The following DNAH11 variants were observed in gnomAD, a reference collection of about 807,000 sequenced individuals.
DNAH11 encodes dynein axonemal heavy chain 11.
A neutral mutation model predicts 526.0 loss-of-function variants in DNAH11; 442 were observed. The ratio of observed to expected loss-of-function variants is 0.84; its 90% CI spans 0.78 to 0.91. DNAH11 has a LOEUF of 0.91. Ranked by LOEUF, DNAH11 falls within the 40% of genes least tolerant of loss-of-function variation. The pLI is 0.00. For synonymous variants in DNAH11, 2,461 were observed against 1,935.9 expected (o/e 1.27, Z -7.12); for missense variants, 6,989 against 5,448.7 (o/e 1.28, Z -8.90).
At chr7:21,629,378 A>C (rs1786494506) in intron 25 of DNAH11, among the ~76,000 whole-genome samples, 1 of 152,152 alleles carries the variant, frequency 6.6e-6, no homozygotes. Context: ...TGTATTCTGC[A>C]GTAGTTGGGT....
Position 21,742,024 on chromosome 7 carries a change from T to G in DNAH11, c.8012T>G (p.Phe2671Cys). ...IFSFHFQQQA[F>C]APSILRSGPT... ...AGCTTCCATTTCCAACAGCAAGCAT[T>G]TGCTCCATCAATTCTCAGGAGTGGC... Residue 2671 changes from phenylalanine (F) to cysteine (C), a missense_variant, in exon 49 of 82, where the codon TTT (phenylalanine) becomes TGT (cysteine). Coordinates refer to ENST00000409508, the MANE Select transcript of DNAH11 (RefSeq NM_001277115.2). 6.2e-7 allele frequency: 1 copy of G among 1,613,954 alleles called. No homozygotes were observed. Among genetic ancestry groups the G allele is most frequent in the Non-Finnish European group, 8.5e-7 (1 of 1,179,868 alleles).
intron 65 of DNAH11, among the ~76,000 whole-genome samples, chr7:21,827,598 C>T (rs1303539547): frequency 4.0e-5 from 6 of 151,572 alleles, no homozygotes; most frequent in African/African-American, 1.5e-4. Flanking sequence ...GTAGCATGCT[C>T]TAGAAAGGAA....
chr7:21,591,145 C>A (rs370132942), intron 13 of DNAH11, 40 bp from the exon 14 acceptor site: 2 of 1,516,566 alleles, frequency 1.3e-6, no homozygotes, highest in African/African-American at 1.4e-5. Flanking sequence ...AAATAGCTAA[C>A]ATATTTGGCA....
rs555739727 is a variant in DNAH11 at position 21,883,011 on chromosome 7, AT to A, written c.12388-1277del. Among the ~76,000 whole-genome samples, 476 of 152,334 alleles carry A rather than the reference AT, an allele frequency of 3.1e-3. 4 individuals are homozygous for A. The highest frequency in any genetic ancestry group is 0.01 in the African/African-American group (435 of 41,578). ...CCTTTGTTTTCCATCCATTTCAGCT[AT>A]TTGGAAGGTAGTCCATGCAGTGGTT... is the stretch of plus-strand genomic sequence containing the variant. On this transcript the variant is annotated intron_variant, in intron 75 of 81. Transcript: ENST00000409508.
chr7:21,898,727 C>T (rs973050906), intron 79 of DNAH11, among the ~76,000 whole-genome samples: 5 of 152,264 alleles, frequency 3.3e-5, no homozygotes, highest in East Asian at 3.9e-4. Context: ...TGTGAGGAGC[C>T]GAGAAGAGAA....
chr7:21,700,000 A>G (rs1324127632), intron 36 of DNAH11, among the ~76,000 whole-genome samples: 1 of 152,222 alleles, frequency 6.6e-6, no homozygotes, highest in South Asian at 2.1e-4. Flanking sequence ...TTCAAGGAAG[A>G]AAGGAACCAA....
intron 55 of DNAH11, among the ~76,000 whole-genome samples, chr7:21,771,528 T>C (rs905860003): frequency 1.3e-5 from 2 of 152,182 alleles, no homozygotes; most frequent in Non-Finnish European, 2.9e-5. Context: ...AAACACGTTT[T>C]CTTAATGTGA....
chr7:21,593,688 A>T (rs73070447), intron 14 of DNAH11, among the ~76,000 whole-genome samples: 1 of 152,086 alleles, frequency 6.6e-6, no homozygotes, highest in East Asian at 1.9e-4. Flanking sequence ...CAGATGTGCA[A>T]TGCTGATGAT....
chr7:21,601,215 T>C (rs749411213), intron 17 of DNAH11, 36 bp downstream of exon 17: 1 of 1,564,438 alleles, frequency 6.4e-7, no homozygotes, highest in South Asian at 1.2e-5. Flanking sequence ...ATTATAACTT[T>C]CTAAACTGCT....
chr7:21,637,494 G>T, intron 26 of DNAH11, 117 bp from the exon 27 acceptor site: 2 of 721,088 alleles, frequency 2.8e-6, no homozygotes, highest in Non-Finnish European at 4.9e-6. Context: ...ATTCTTAGAA[G>T]TATCTTTGAC....
intron 71 of DNAH11, among the ~76,000 whole-genome samples, chr7:21,867,584 TAGC>T (rs1783328969): frequency 6.6e-6 from 1 of 152,118 alleles, no homozygotes; most frequent in South Asian, 2.1e-4. Context: ...TACAAAGCCA[TAGC>T]AGACAGCTGA....
chr7:21,581,984 C>T lies in DNAH11; in HGVS notation c.1673C>T (p.Ala558Val), dbSNP rs1784325183. Reference protein sequence around the residue: ...DRRLGTIICEAFFNCNGLEAA... With the variant: ...DRRLGTIICEVFFNCNGLEAA... ...AGGCTTGGGACAATTATTTGTGAAG[C>T]TTTCTTTAACTGCAATGGCTTAGAA... The change falls in exon 9 of 82, where the codon GCT becomes GTT. Residue 558 changes from alanine to valine, a missense_variant. Coordinates refer to ENST00000409508, the MANE Select transcript of DNAH11 (RefSeq NM_001277115.2). 6.2e-7 allele frequency: 1 copy of T among 1,612,972 alleles called. No individual in the cohort carries two copies. Among genetic ancestry groups the T allele is most frequent in the Non-Finnish European group, 8.5e-7 (1 of 1,179,196 alleles).
At chr7:21,689,608 C>T (rs1398895667) in intron 34 of DNAH11, among the ~76,000 whole-genome samples, 6 of 152,364 alleles carry the variant, frequency 3.9e-5, no homozygotes, top group South Asian at 2.1e-4. Flanking sequence ...CACCGCTCTG[C>T]GTGTGAGCGG....
intron 57 of DNAH11, among the ~76,000 whole-genome samples, chr7:21,779,420 G>T (rs1787839929): frequency 6.6e-6 from 1 of 152,076 alleles, no homozygotes; most frequent in Non-Finnish European, 1.5e-5. Context: ...TCACCTCTGA[G>T]GTTTTTAAAG....
chr7:21,833,472 C>T (rs774019459), intron 65 of DNAH11, among the ~76,000 whole-genome samples: 22 of 152,064 alleles, frequency 1.4e-4, no homozygotes, highest in Non-Finnish European at 2.6e-4. Flanking sequence ...GTGGATGGAT[C>T]ACCTGAGGTC....
intron 57 of DNAH11, among the ~76,000 whole-genome samples, chr7:21,783,676 T>A (rs188449185): frequency 7.9e-5 from 12 of 151,510 alleles, no homozygotes; most frequent in East Asian, 7.8e-4. Context: ...TTGGTTTGGT[T>A]CAAGTTTACC....
chr7:21,894,108 C>T (rs1335674045), intron 77 of DNAH11, among the ~76,000 whole-genome samples: 2 of 152,150 alleles, frequency 1.3e-5, no homozygotes, highest in Non-Finnish European at 2.9e-5. Flanking sequence ...AGGCTGGTCT[C>T]GAACTCCTGA....
intron 79 of DNAH11, among the ~76,000 whole-genome samples, chr7:21,896,689 G>A (rs1784526207): frequency 6.6e-6 from 1 of 152,048 alleles, no homozygotes; most frequent in African/African-American, 2.4e-5. Flanking sequence ...GTGTCTTTCG[G>A]CTGTATACTT....
chr7:21,775,379 G>C (rs971636248), intron 56 of DNAH11, among the ~76,000 whole-genome samples: 1 of 152,146 alleles, frequency 6.6e-6, no homozygotes, highest in African/African-American at 2.4e-5. Flanking sequence ...CACTTTGGGA[G>C]GCTGAAGGGG....
Sources: allele counts gnomAD v4.1 joint callset (sites outside exome capture counted in the v4.1 genomes callset), GRCh38; gene constraint gnomAD v4.1.1; transcripts MANE v1.5; gene names NCBI Gene and HGNC (gene_info 2026-07-23, HGNC 2026-07-21).